Variants in CDYL observed in about 807,000 individuals in gnomAD.
CDYL encodes chromodomain Y like.
CDYL carries 8 observed loss-of-function variants against 47.3 expected under a neutral mutation model. The ratio of observed to expected loss-of-function variants is 0.17; its 90% CI spans 0.10 to 0.31. The LOEUF is 0.31. Among genes scored for constraint, CDYL ranks in the 10% least tolerant of loss-of-function variants. The pLI is 1.00. For synonymous variants in CDYL, 266 were observed against 265.0 expected (o/e 1.00, Z -0.04); for missense variants, 471 against 701.4 (o/e 0.67, Z 3.71).
At chr6:4,745,005 T>C (rs546480919) in intron 3 of CDYL, among the ~76,000 whole-genome samples, 60 of 152,272 alleles carry the variant, frequency 3.9e-4, no homozygotes, top group African/African-American at 9.6e-4. Flanking sequence ...GTTGCCCAGG[T>C]TGGAGTGCAG....
At chr6:4,895,817 GATA>G (rs1284230934) in intron 2 of CDYL, among the ~76,000 whole-genome samples, 3 of 152,158 alleles carry the variant, frequency 2.0e-5, no homozygotes, top group Admixed American at 6.5e-5. Context: ...ATATAAGGAA[GATA>G]ATAATAGCTT....
intron 1 of CDYL, among the ~76,000 whole-genome samples, chr6:4,796,758 T>C (rs906793207): frequency 6.6e-6 from 1 of 152,214 alleles, no homozygotes; most frequent in Non-Finnish European, 1.5e-5. Flanking sequence ...TGGAACTCTG[T>C]CTTGAGAGCA....
intron 1 of CDYL, among the ~76,000 whole-genome samples, chr6:4,781,426 C>A (rs1581162818): frequency 6.6e-6 from 1 of 152,122 alleles, no homozygotes; most frequent in Non-Finnish European, 1.5e-5. Context: ...ATTGGAATCA[C>A]CAAAATTAGT....
At chr6:4,946,320 G>A (rs1421260163) in intron 5 of CDYL, among the ~76,000 whole-genome samples, 1 of 152,212 alleles carries the variant, frequency 6.6e-6, no homozygotes, top group Admixed American at 6.5e-5. Context: ...CCTGCTGGCA[G>A]CTAGTGTTAT....
At chr6:4,925,565 G>A (rs537474596) in intron 2 of CDYL, among the ~76,000 whole-genome samples, 186 of 151,922 alleles carry the variant, frequency 1.2e-3, no homozygotes, top group South Asian at 3.7e-3. Context: ...ACAGGCACCC[G>A]CCACCACACT....
chr6:4,914,045 G>A (rs552296478), intron 2 of CDYL, among the ~76,000 whole-genome samples: 73 of 152,248 alleles, frequency 4.8e-4, no homozygotes, highest in Non-Finnish European at 7.8e-4. Flanking sequence ...GTGGACTATT[G>A]TTGATTTTTA....
chr6:4,821,563 G>C (rs778715971), intron 1 of CDYL, among the ~76,000 whole-genome samples: 1 of 151,804 alleles, frequency 6.6e-6, no homozygotes, highest in Admixed American at 6.6e-5. Flanking sequence ...GTGAAACCCC[G>C]TCTCTACTAA....
chr6:4,723,236 G>C (rs986097925), intron 2 of CDYL, among the ~76,000 whole-genome samples: 1 of 152,132 alleles, frequency 6.6e-6, no homozygotes, highest in African/African-American at 2.4e-5. Context: ...CGATGATTTA[G>C]AGTACACAGG....
At chr6:4,840,473 C>T (rs1760454698) in intron 1 of CDYL, among the ~76,000 whole-genome samples, 1 of 152,148 alleles carries the variant, frequency 6.6e-6, no homozygotes, top group Non-Finnish European at 1.5e-5. Context: ...GCATCCTCGT[C>T]TTGTTCCAGT....
At chr6:4,792,238 C>G (rs1013083387) in intron 1 of CDYL, among the ~76,000 whole-genome samples, 3 of 151,746 alleles carry the variant, frequency 2.0e-5, no homozygotes, top group Non-Finnish European at 4.4e-5. Context: ...CATTGGATCA[C>G]TTTTATTTTG....
Position 4,931,106 on chromosome 6 carries a change from T to A in CDYL, c.692-4409T>A, listed in dbSNP as rs572125010. 2.0e-5 allele frequency among the ~76,000 whole-genome samples: 3 copies of A among 152,310 alleles called. No homozygotes were observed. The South Asian group carries it at 6.2e-4, about 32-fold the overall frequency. ...ACTTGGCCAGTCACTTAGCTACTTGTCTCTAAATTGAGGGATCTGGACTAA... is the reference window on the plus strand; with the variant it reads ...ACTTGGCCAGTCACTTAGCTACTTGACTCTAAATTGAGGGATCTGGACTAA... On this transcript the variant is annotated intron_variant, in intron 2 of 6. Coordinates refer to ENST00000397588, the MANE Select transcript of CDYL (RefSeq NM_004824.4).
intron 1 of CDYL, among the ~76,000 whole-genome samples, chr6:4,829,451 C>T (rs189845850): frequency 2.1e-3 from 315 of 152,332 alleles, no homozygotes; most frequent in Non-Finnish European, 3.0e-3. Context: ...GCATTTAACT[C>T]TGTGACTCCA....
intron 3 of CDYL, among the ~76,000 whole-genome samples, chr6:4,759,248 C>A (rs1286742414): frequency 6.6e-6 from 1 of 152,052 alleles, no homozygotes; most frequent in Admixed American, 6.6e-5. Flanking sequence ...GGATTACAGG[C>A]GTGAGCCACC....
intron 2 of CDYL, among the ~76,000 whole-genome samples, chr6:4,732,213 T>C (rs1757617468): frequency 1.3e-5 from 2 of 152,078 alleles, no homozygotes; most frequent in African/African-American, 4.8e-5. Context: ...TGCATGCTTG[T>C]AGTTCCAGCT....
At chr6:4,841,319 A>G (rs1760482578) in intron 1 of CDYL, among the ~76,000 whole-genome samples, 1 of 151,906 alleles carries the variant, frequency 6.6e-6, no homozygotes, top group Admixed American at 6.6e-5. Context: ...TAATCTCACT[A>G]ATTTTATTTA....
At chr6:4,904,871 C>T (rs1426145553) in intron 2 of CDYL, among the ~76,000 whole-genome samples, 1 of 152,134 alleles carries the variant, frequency 6.6e-6, no homozygotes, top group African/African-American at 2.4e-5. Context: ...ACTGTGTCCC[C>T]CTCATCCCCA....
intron 3 of CDYL, among the ~76,000 whole-genome samples, chr6:4,737,313 A>C (rs150765918): frequency 1.3e-5 from 2 of 151,738 alleles, no homozygotes; most frequent in East Asian, 3.9e-4. Context: ...AAGATGCAAA[A>C]CACGTCACAG....
At chr6:4,870,014 G>T (rs1217926931) in intron 1 of CDYL, among the ~76,000 whole-genome samples, 2 of 151,776 alleles carry the variant, frequency 1.3e-5, no homozygotes, top group Non-Finnish European at 2.9e-5. Flanking sequence ...ATTTATTTGG[G>T]AATATCTTTA....
chr6:4,852,809 T>C (rs1760891586), intron 1 of CDYL, among the ~76,000 whole-genome samples: 1 of 151,796 alleles, frequency 6.6e-6, no homozygotes, highest in Non-Finnish European at 1.5e-5. Flanking sequence ...CTTTGTTCTT[T>C]TTTTTTTGAG....
Sources: allele counts gnomAD v4.1 joint callset (sites outside exome capture counted in the v4.1 genomes callset), GRCh38; gene constraint gnomAD v4.1.1; transcripts MANE v1.5; gene names NCBI Gene and HGNC (gene_info 2026-07-23, HGNC 2026-07-21).